Variants in VWCE observed in about 807,000 individuals in gnomAD.
VWCE encodes the protein von Willebrand factor C and EGF domain-containing protein.
A neutral mutation model predicts 102.9 loss-of-function variants in VWCE; 68 were observed. That is an observed-to-expected ratio of 0.66 (90% CI 0.54 to 0.81). The LOEUF is 0.81. Among genes scored for constraint, VWCE ranks in the 30% least tolerant of loss-of-function variants. The pLI is 0.00. For missense variants in VWCE, 1,137 were observed against 1,263.6 expected, an observed-to-expected ratio of 0.90 and a Z score of 1.52; for synonymous variants, 497 against 515.4, an observed-to-expected ratio of 0.96 and a Z score of 0.48.
In VWCE at chr11:61,258,872, G is replaced by T. The variant is rs771703011; in HGVS notation, c.2671C>A (p.Pro891Thr). ...GAAGCTTCCGTCAGGAGGGTGCCAG[G>T]CAGAGGAGGCCACCTGGACACTATC... Reference protein sequence around the residue: ...AQIVSRWPPLPGTLLTEASAL... With the variant: ...AQIVSRWPPLTGTLLTEASAL... Residue 891 changes from proline to threonine, a missense_variant, in exon 20 of 20, where the codon CCT (proline) becomes ACT (threonine). Around this residue, in one of 5 missense-constraint regions of VWCE, gnomAD observed 316 missense variants for 319.3 expected, o/e 0.99. Transcript: ENST00000335613. The T allele has an allele frequency of 5.3e-6, 8 of 1,519,706 alleles. No homozygotes were observed. Among genetic ancestry groups the T allele is most frequent in the Non-Finnish European group, 7.0e-6 (8 of 1,136,002 alleles). The allele number at this position is 1,519,706 out of a possible 1,614,324, so 94.1% of individuals were successfully genotyped here.
chr11:61,281,011 A>C lies in VWCE; in HGVS notation c.1012T>G (p.Ser338Ala). Residue 338 changes from serine (S) to alanine (A), a missense_variant, in exon 8 of 20, where the codon TCC (serine) becomes GCC (alanine). This residue lies in a region of VWCE where 575 missense variants were observed against 625.9 expected (regional missense o/e 0.92). Coordinates refer to ENST00000335613, the MANE Select transcript of VWCE (RefSeq NM_152718.2). ...GGCACTGGGGTGGCCAGCAGGGTGG[A>C]CAGCAGCCACACAGGGGCAGAAGGG... ...SSPSAPVWLLSTLLATPVPTA... is the reference protein window; with the variant it reads ...SSPSAPVWLLATLLATPVPTA... The C allele has an allele frequency of 6.4e-7, 1 of 1,562,768 alleles. No homozygotes were observed. The highest frequency in any genetic ancestry group is 8.7e-7 in the Non-Finnish European group (1 of 1,153,974).
At chr11:61,276,036 G>A (rs1360525017) in intron 11 of VWCE, among the ~76,000 whole-genome samples, 1 of 152,190 alleles carries the variant, frequency 6.6e-6, no homozygotes, top group Non-Finnish European at 1.5e-5. Context: ...AAAGCAGAAA[G>A]CAATCTCCTC....
chr11:61,264,359 G>C, intron 19 of VWCE, 128 bp downstream of exon 19: 1 of 894,514 alleles, frequency 1.1e-6, no homozygotes, highest in Non-Finnish European at 1.7e-6. Flanking sequence ...ACAACCTTGC[G>C]CGAGCCGTGT....
intron 19 of VWCE, among the ~76,000 whole-genome samples, chr11:61,264,175 GA>G (rs1854437971): frequency 7.3e-6 from 1 of 137,436 alleles, no homozygotes; most frequent in African/African-American, 2.6e-5. Context: ...GCAGTGAGGT[GA>G]GATAGCGCCA....
intron 10 of VWCE, among the ~76,000 whole-genome samples, chr11:61,278,188 G>A (rs1854986730): frequency 6.6e-6 from 1 of 152,226 alleles, no homozygotes; most frequent in Non-Finnish European, 1.5e-5. Flanking sequence ...CTGCGGAGCA[G>A]AAGCCTCCCT....
intron 14 of VWCE, among the ~76,000 whole-genome samples, chr11:61,270,896 C>T (rs772043334): frequency 2.5e-4 from 37 of 150,178 alleles, no homozygotes; most frequent in Non-Finnish European, 4.4e-4. Flanking sequence ...GATGTGATCA[C>T]GGCTCACTGC....
chr11:61,270,142 A>T (rs1854638564), intron 14 of VWCE, among the ~76,000 whole-genome samples: 1 of 151,780 alleles, frequency 6.6e-6, no homozygotes, highest in East Asian at 1.9e-4. Flanking sequence ...GATGGTCTCA[A>T]TCTCCTGACC....
intron 14 of VWCE, 114 bp from the exon 15 acceptor site, chr11:61,269,132 A>C: frequency 1.1e-6 from 1 of 934,790 alleles, no homozygotes. Flanking sequence ...CCTGAAAGGC[A>C]ACATGACGCG....
intron 1 of VWCE, among the ~76,000 whole-genome samples, chr11:61,293,634 T>C (rs1198294563): frequency 6.6e-6 from 1 of 152,098 alleles, no homozygotes; most frequent in Non-Finnish European, 1.5e-5. Flanking sequence ...CCCTTCCCAA[T>C]GGTGTTCCAC....
rs1449754614 is a variant in VWCE, at chr11:61,295,097, G to A, written c.-60C>T. 4 of 1,127,302 alleles carry A rather than the reference G, an allele frequency of 3.5e-6. No homozygotes were observed. The highest frequency in any genetic ancestry group is 4.6e-6 in the Non-Finnish European group (4 of 877,072). 69.8% of individuals were successfully genotyped at this position (1,127,302 alleles called of 1,614,324 possible). On this transcript the variant is annotated 5_prime_UTR_variant, in exon 1 of 20. Coordinates refer to ENST00000335613, the MANE Select transcript of VWCE (RefSeq NM_152718.2). This position sits in a 1 kb window ranked among gnomAD's most constrained non-coding sequence, Gnocchi z 4.6. Reference sequence around the variant, plus strand: ...GCTCCTGCGCCGCGCGCGGGAGAGGGGGCTGCCGGCCCTCGCCCCTCCTCC... The same window carrying A: ...GCTCCTGCGCCGCGCGCGGGAGAGGAGGCTGCCGGCCCTCGCCCCTCCTCC...
At chr11:61,278,120 G>A (rs1344808438) in intron 10 of VWCE, among the ~76,000 whole-genome samples, 2 of 152,160 alleles carry the variant, frequency 1.3e-5, no homozygotes, top group African/African-American at 4.8e-5. Flanking sequence ...GTTTCCAAGG[G>A]AGTTTCGTCC....
intron 14 of VWCE, chr11:61,269,287 C>T (rs757373228): frequency 1.1e-5 from 5 of 467,646 alleles, no homozygotes; most frequent in Non-Finnish European, 2.0e-5. Flanking sequence ...GCAGCCAAAG[C>T]CTGCACCGTC....
At chr11:61,282,928 T>C in intron 5 of VWCE, 23 bp from the exon 6 acceptor site, 2 of 1,588,456 alleles carry the variant, frequency 1.3e-6, no homozygotes, top group Non-Finnish European at 1.7e-6. Context: ...GGGACAAGAC[T>C]GGGGTTCATT....
At chr11:61,260,290 G>A (rs530939677) in intron 19 of VWCE, among the ~76,000 whole-genome samples, 5 of 151,938 alleles carry the variant, frequency 3.3e-5, no homozygotes, top group Admixed American at 2.0e-4. Context: ...TTTGGGGTGG[G>A]GGGGACAGGT....
At chr11:61,283,450 T>G (rs1855210805) in intron 5 of VWCE, among the ~76,000 whole-genome samples, 1 of 152,186 alleles carries the variant, frequency 6.6e-6, no homozygotes, top group Non-Finnish European at 1.5e-5. Flanking sequence ...TTGCTCTTTT[T>G]GCCCAGGCTG....
intron 19 of VWCE, among the ~76,000 whole-genome samples, chr11:61,261,443 A>T (rs113860979): frequency 1.7e-5 from 2 of 117,320 alleles, no homozygotes; most frequent in Non-Finnish European, 3.0e-5. Context: ...TTATACTTTT[A>T]AAAAAATCAT....
intron 19 of VWCE, among the ~76,000 whole-genome samples, chr11:61,261,528 A>G (rs1854359298): frequency 6.6e-6 from 1 of 152,044 alleles, no homozygotes; most frequent in Non-Finnish European, 1.5e-5. Context: ...CGATTGCTTG[A>G]GTCCAGGAGT....
chr11:61,293,918 A>C (rs1855591048), intron 1 of VWCE, among the ~76,000 whole-genome samples: 1 of 152,172 alleles, frequency 6.6e-6, no homozygotes, highest in Admixed American at 6.5e-5. Context: ...GGGAGCTGGC[A>C]GTGAAGTCTC....
intron 19 of VWCE, 114 bp from the exon 20 acceptor site, chr11:61,259,426 A>G (rs956043554): frequency 1.5e-6 from 2 of 1,348,414 alleles, no homozygotes; most frequent in Non-Finnish European, 2.0e-6. Context: ...GGGCCTCAGC[A>G]CACCTGGTGA....
Sources: gnomAD v4.1 joint callset for allele counts (sites outside exome capture counted in the v4.1 genomes callset) on GRCh38, gnomAD v4.1.1 for gene constraint, gnomAD v4.1.1 regional missense constraint, Gnocchi (gnomAD v3.1) non-coding constraint, MANE v1.5 for transcripts, NCBI Gene and HGNC (gene_info 2026-07-23, HGNC 2026-07-21) for gene names.